TTLL11: variants seen among roughly 807,000 people sequenced by gnomAD.
The protein encoded by TTLL11 is tubulin polyglutamylase TTLL11.
TTLL11 carries 42 observed loss-of-function variants against 51.7 expected under a neutral mutation model. That is an observed-to-expected ratio of 0.81 (90% CI 0.64 to 1.05). The LOEUF is 1.05. Ranked by LOEUF, TTLL11 falls within the 50% of genes least tolerant of loss-of-function variation. The pLI, the probability that TTLL11 is intolerant of heterozygous loss-of-function variation, is 0.00. For missense variants in TTLL11, 799 were observed against 940.4 expected (o/e 0.85, Z 1.97); for synonymous variants, 381 against 383.5 (o/e 0.99, Z 0.08).
rs141077643 is a variant in TTLL11, at chr9:121,937,458, G to A, written c.1481+36551C>T. 6.8e-4 allele frequency among the ~76,000 whole-genome samples: 103 copies of A among 152,250 alleles called. 1 individual carries two copies. The highest frequency in any genetic ancestry group is 3.3e-3 in the East Asian group (17 of 5,180). ...CAAATTCATCTGACTCCAAAACCAGGGCACCTGGCAACTCCCCCAATTGCT... is the reference window on the plus strand; with the variant it reads ...CAAATTCATCTGACTCCAAAACCAGAGCACCTGGCAACTCCCCCAATTGCT... On this transcript the variant is annotated intron_variant, in intron 6 of 8. Transcript: ENST00000321582.
intron 3 of TTLL11, among the ~76,000 whole-genome samples, chr9:121,991,062 T>C (rs1033932246): frequency 1.3e-5 from 2 of 152,166 alleles, no homozygotes; most frequent in Non-Finnish European, 2.9e-5. Flanking sequence ...CTGCAGCTTC[T>C]GGTGTGAAAG....
chr9:121,897,617 G>GGC (rs1491074106), intron 6 of TTLL11, among the ~76,000 whole-genome samples: 29 of 61,492 alleles, frequency 4.7e-4, no homozygotes, highest in South Asian at 2.9e-3. Flanking sequence ...TTTCCCTCCA[G>GGC]GCACACACAC....
At chr9:122,077,065 T>A (rs1009681768) in intron 1 of TTLL11, among the ~76,000 whole-genome samples, 24 of 152,304 alleles carry the variant, frequency 1.6e-4, no homozygotes, top group Admixed American at 1.4e-3. Context: ...TAGAACAGTA[T>A]GTACAGCAAC....
At chr9:121,979,708 G>A (rs182376182) in intron 4 of TTLL11, among the ~76,000 whole-genome samples, 1 of 152,216 alleles carries the variant, frequency 6.6e-6, no homozygotes, top group African/African-American at 2.4e-5. Context: ...GGCTGCCAGA[G>A]CCATTTTTCT....
rs1842062285 is a variant in TTLL11, at chr9:121,957,682, G to A, written c.1481+16327C>T. ...AGCCCATGCCCTCCCTCCTCCGGGA[G>A]CCCCTTCTAGGTATCCAGGACCCCG... On this transcript the variant is annotated intron_variant, in intron 6 of 8. Transcript: ENST00000321582. Among the ~76,000 whole-genome samples the A allele has an allele frequency of 1.3e-5, 2 of 152,192 alleles. 1 individual carries two copies. Among genetic ancestry groups the A allele is most frequent in the South Asian group, 4.1e-4 (2 of 4,834 alleles).
In TTLL11 at chr9:122,093,275, A is replaced by C; in HGVS notation, c.-127T>G. 2 of 1,555,088 alleles carry C rather than the reference A, an allele frequency of 1.3e-6. No homozygotes were observed. Among genetic ancestry groups the C allele is most frequent in the Non-Finnish European group, 1.7e-6 (2 of 1,161,068 alleles). Reference sequence around the variant, plus strand: ...GCGTTCCCCGCCCGAGCCCGTTGCCATGATCGCTCAGGCTCGGGTTGACAG... The same window carrying C: ...GCGTTCCCCGCCCGAGCCCGTTGCCCTGATCGCTCAGGCTCGGGTTGACAG... On this transcript the variant is annotated 5_prime_UTR_variant, in exon 1 of 9. The change abolishes an upstream ATG in the 5' untranslated region. Transcript: ENST00000321582.
chr9:121,987,444 G>A (rs758790621), intron 4 of TTLL11, among the ~76,000 whole-genome samples: 7 of 152,164 alleles, frequency 4.6e-5, no homozygotes, highest in East Asian at 1.9e-4. Context: ...TGGACACCAC[G>A]TCTCCCCACC....
chr9:121,953,792 A>G (rs1307091297), intron 6 of TTLL11, among the ~76,000 whole-genome samples: 1 of 152,172 alleles, frequency 6.6e-6, no homozygotes, highest in Admixed American at 6.5e-5. Flanking sequence ...TGCATGGGGT[A>G]CAAAAAGCTC....
At chr9:121,938,517 A>T (rs1363108567) in intron 6 of TTLL11, among the ~76,000 whole-genome samples, 2 of 152,230 alleles carry the variant, frequency 1.3e-5, no homozygotes, top group African/African-American at 4.8e-5. Flanking sequence ...CTAAGAGACC[A>T]TATGTATAAC....
intron 1 of TTLL11, among the ~76,000 whole-genome samples, chr9:122,050,088 G>C (rs1845117183): frequency 1.3e-5 from 2 of 152,114 alleles, no homozygotes; most frequent in Non-Finnish European, 2.9e-5. Context: ...ACCCCACTCA[G>C]AGACTCCAGC....
chr9:122,056,223 C>T (rs558503279), intron 1 of TTLL11, among the ~76,000 whole-genome samples: 1 of 152,240 alleles, frequency 6.6e-6, no homozygotes, highest in Admixed American at 6.5e-5. Flanking sequence ...CCTCCTGATC[C>T]CAAAACCCAG....
At chr9:121,827,032 C>A (rs575510219) in intron 8 of TTLL11, among the ~76,000 whole-genome samples, 1 of 152,292 alleles carries the variant, frequency 6.6e-6, no homozygotes, top group East Asian at 1.9e-4. Context: ...GGAGCCCCTG[C>A]AGGTGCTGGG....
At chr9:122,082,501 C>CAAAAAAAAAAAAA (rs35349693) in intron 1 of TTLL11, among the ~76,000 whole-genome samples, 3 of 84,656 alleles carry the variant, frequency 3.5e-5, no homozygotes. Flanking sequence ...GACTCTGTCT[C>CAAAAAAAAAAAAA]AAAAAAAAAA....
Position 122,077,072 on chromosome 9 carries a change from C to G in TTLL11, c.462+15615G>C, listed in dbSNP as rs565804099. ...TATCAACTTAGAACAGTATGTACAG[C>G]AACACTATTTTTCAAGAACGAGGAG... On this transcript the variant is annotated intron_variant, in intron 1 of 8. Coordinates refer to ENST00000321582, the MANE Select transcript of TTLL11 (RefSeq NM_001139442.2). Among the ~76,000 whole-genome samples, 16 of 152,192 alleles carry G rather than the reference C, an allele frequency of 1.1e-4. No individual in the cohort carries two copies. The East Asian group carries it at 3.1e-3, about 29-fold the overall frequency.
chr9:122,051,818 C>T (rs1169774870), intron 1 of TTLL11, among the ~76,000 whole-genome samples: 1 of 152,142 alleles, frequency 6.6e-6, no homozygotes, highest in African/African-American at 2.4e-5. Flanking sequence ...CACACCCAAA[C>T]CTAACTTTCC....
chr9:122,075,773 T>C (rs149113665), intron 1 of TTLL11, among the ~76,000 whole-genome samples: 21 of 152,302 alleles, frequency 1.4e-4, no homozygotes, highest in African/African-American at 5.1e-4. Flanking sequence ...GAAAGCTATG[T>C]TATCATGGAA....
rs1023117237 is a variant in TTLL11, at chr9:121,872,491, T to C, written c.1482-1743A>G. ...GTTTGAGAAAGTTTCATTGAATCCA[T>C]TGCATTGAAAAAGTTTGCAACGTAA... On this transcript the variant is annotated intron_variant, in intron 6 of 8. Transcript: ENST00000321582. 1.4e-4 allele frequency among the ~76,000 whole-genome samples: 22 copies of C among 152,234 alleles called. 1 individual carries two copies. The highest frequency in any genetic ancestry group is 1.3e-4 in the Admixed American group (2 of 15,284).
At chr9:122,050,250 T>G (rs1041252501) in intron 1 of TTLL11, among the ~76,000 whole-genome samples, 1 of 152,228 alleles carries the variant, frequency 6.6e-6, no homozygotes, top group African/African-American at 2.4e-5. Context: ...AGTTATTATT[T>G]TTAATGTCCA....
At chr9:121,919,544 G>C (rs1218309073) in intron 6 of TTLL11, among the ~76,000 whole-genome samples, 2 of 152,308 alleles carry the variant, frequency 1.3e-5, no homozygotes, top group South Asian at 2.1e-4. Context: ...ATGGCTGCAG[G>C]CTTCCTGGTA....
Sources: allele counts gnomAD v4.1 joint callset (sites outside exome capture counted in the v4.1 genomes callset), GRCh38; gene constraint gnomAD v4.1.1; transcripts MANE v1.5; gene names NCBI Gene and HGNC (gene_info 2026-07-23, HGNC 2026-07-21).